Variants in KIF26B observed in about 807,000 individuals in gnomAD.
KIF26B encodes the protein kinesin-like protein KIF26B.
A neutral mutation model predicts 151.2 loss-of-function variants in KIF26B; 63 were observed. The observed-to-expected ratio is 0.42, with a 90% confidence interval of 0.34 to 0.51. The LOEUF is 0.51. Ranked by LOEUF, KIF26B falls within the 20% of genes least tolerant of loss-of-function variation. KIF26B has a pLI of 0.07. For missense variants in KIF26B, 2,813 were observed against 2,913.6 expected (o/e 0.97, Z 0.79); for synonymous variants, 1,357 against 1,262.1 (o/e 1.08, Z -1.59).
chr1:245,371,037 G>T (rs1347923192), intron 3 of KIF26B, among the ~76,000 whole-genome samples: 1 of 152,152 alleles, frequency 6.6e-6, no homozygotes, highest in Non-Finnish European at 1.5e-5. Flanking sequence ...GCCCGATGTG[G>T]CAAAGCCAGA....
chr1:245,332,443 C>T (rs970053279), intron 2 of KIF26B, among the ~76,000 whole-genome samples: 1 of 152,206 alleles, frequency 6.6e-6, no homozygotes, highest in Non-Finnish European at 1.5e-5. Flanking sequence ...AATGTTCTTT[C>T]TTTAGCCTCT....
rs190862737 is a variant in KIF26B at position 245,415,027 on chromosome 1, G to A, written c.1000-4552G>A. On this transcript the variant is annotated intron_variant, in intron 3 of 14. Transcript: ENST00000407071. ...GACCAATCATCGGACTCCTCTCCTCGCCTCTGTTTTCTCATCTGTGAAGTG... is the reference window on the plus strand; with the variant it reads ...GACCAATCATCGGACTCCTCTCCTCACCTCTGTTTTCTCATCTGTGAAGTG... Among the ~76,000 whole-genome samples the A allele has an allele frequency of 1.4e-3, 219 of 152,232 alleles. 1 individual carries two copies. Among genetic ancestry groups the A allele is most frequent in the Non-Finnish European group, 2.3e-3 (157 of 68,020 alleles).
intron 5 of KIF26B, among the ~76,000 whole-genome samples, chr1:245,586,478 T>C (rs2043225022): frequency 1.3e-5 from 2 of 152,210 alleles, no homozygotes; most frequent in Admixed American, 1.3e-4. Context: ...CCCTCTGTTG[T>C]CTGGGTTAAG....
At chr1:245,351,802 T>C (rs1558399009) in intron 2 of KIF26B, among the ~76,000 whole-genome samples, 1 of 152,222 alleles carries the variant, frequency 6.6e-6, no homozygotes, top group Non-Finnish European at 1.5e-5. Flanking sequence ...TTTTCTGTTT[T>C]GAGCCTTTGA....
intron 4 of KIF26B, among the ~76,000 whole-genome samples, chr1:245,456,100 T>A (rs1331953060): frequency 1.3e-5 from 2 of 152,190 alleles, no homozygotes; most frequent in Non-Finnish European, 2.9e-5. Flanking sequence ...TTTTCATACA[T>A]CTGTAGTTAT....
intron 3 of KIF26B, among the ~76,000 whole-genome samples, chr1:245,370,069 A>T (rs1050805454): frequency 1.3e-5 from 2 of 152,188 alleles, no homozygotes; most frequent in Non-Finnish European, 2.9e-5. Context: ...AATAAAATTT[A>T]AAATACATGA....
intron 4 of KIF26B, among the ~76,000 whole-genome samples, chr1:245,539,077 A>G (rs1415324749): frequency 6.6e-6 from 1 of 152,092 alleles, no homozygotes; most frequent in Admixed American, 6.5e-5. Context: ...TCCCTTTCTC[A>G]TCATCCTACA....
chr1:245,230,532 C>T (rs954283393), intron 2 of KIF26B, among the ~76,000 whole-genome samples: 4 of 152,088 alleles, frequency 2.6e-5, no homozygotes, highest in Admixed American at 6.5e-5. Context: ...CACCTGAGGT[C>T]GGGAGTTCAA....
chr1:245,341,303 GTTTTTTTTTTTTTTT>G (rs34249209), intron 2 of KIF26B, among the ~76,000 whole-genome samples: 16 of 82,602 alleles, frequency 1.9e-4, no homozygotes, highest in South Asian at 6.2e-4. Context: ...AAAAGATGCA[GTTTTTTTTTTTTTTT>G]TTTTTTTTTT....
At chr1:245,641,527 C>CT (rs1238840460) in intron 9 of KIF26B, among the ~76,000 whole-genome samples, 2 of 149,658 alleles carry the variant, frequency 1.3e-5, no homozygotes, top group Non-Finnish European at 3.0e-5. Flanking sequence ...CCTTCTTATT[C>CT]TTTTTTTTCT....
At chr1:245,643,610 A>G (rs1558249111) in intron 9 of KIF26B, among the ~76,000 whole-genome samples, 1 of 152,214 alleles carries the variant, frequency 6.6e-6, no homozygotes, top group Non-Finnish European at 1.5e-5. Flanking sequence ...AGAGATTTAA[A>G]GTAATAAAAA....
At chr1:245,550,216 T>G (rs1370437303) in intron 5 of KIF26B, among the ~76,000 whole-genome samples, 3 of 152,248 alleles carry the variant, frequency 2.0e-5, no homozygotes, top group Non-Finnish European at 4.4e-5. Flanking sequence ...ATTTGAGATC[T>G]GTTAAGCAAC....
intron 9 of KIF26B, among the ~76,000 whole-genome samples, chr1:245,623,050 TTTGTTG>T (rs1558240915): frequency 3.8e-5 from 5 of 131,978 alleles, no homozygotes; most frequent in Admixed American, 7.8e-5. Flanking sequence ...TTTTTTTTTT[TTTGTTG>T]TTTTTTAACA....
At chr1:245,160,092 G>T (rs923329171) in intron 2 of KIF26B, among the ~76,000 whole-genome samples, 1 of 152,166 alleles carries the variant, frequency 6.6e-6, no homozygotes, top group Non-Finnish European at 1.5e-5. Context: ...GCGTGTAGAA[G>T]TGACAGCTGT....
intron 2 of KIF26B, among the ~76,000 whole-genome samples, chr1:245,159,616 T>G (rs1031419443): frequency 6.6e-6 from 1 of 152,236 alleles, no homozygotes; most frequent in Non-Finnish European, 1.5e-5. Context: ...TTATAAGATA[T>G]TACTCCTGTC....
chr1:245,251,169 C>T (rs1670436897), intron 2 of KIF26B, among the ~76,000 whole-genome samples: 3 of 152,164 alleles, frequency 2.0e-5, no homozygotes, highest in Admixed American at 2.0e-4. Flanking sequence ...TCTGCCTTGC[C>T]TGTACCCAAA....
At chr1:245,405,643 A>G (rs1246093038) in intron 3 of KIF26B, among the ~76,000 whole-genome samples, 1 of 148,612 alleles carries the variant, frequency 6.7e-6, no homozygotes, top group Non-Finnish European at 1.5e-5. Flanking sequence ...TTTTGTATGC[A>G]TGAATAAGTG....
At chr1:245,422,732 G>GA (rs1658520282) in intron 4 of KIF26B, among the ~76,000 whole-genome samples, 1 of 152,144 alleles carries the variant, frequency 6.6e-6, no homozygotes, top group Admixed American at 6.6e-5. Context: ...TGGAGAGAGA[G>GA]TCCTCTGAGT....
At chr1:245,370,025 T>C (rs551088178) in intron 3 of KIF26B, among the ~76,000 whole-genome samples, 1 of 152,312 alleles carries the variant, frequency 6.6e-6, no homozygotes, top group South Asian at 2.1e-4. Flanking sequence ...ATATACCATT[T>C]AGAAAATTAT....
Sources: allele counts gnomAD v4.1 joint callset (sites outside exome capture counted in the v4.1 genomes callset), GRCh38; gene constraint gnomAD v4.1.1; transcripts MANE v1.5; gene names NCBI Gene and HGNC (gene_info 2026-07-23, HGNC 2026-07-21).